The following ZFYVE9 variants were observed in gnomAD, a reference collection of about 807,000 sequenced individuals.
The protein encoded by ZFYVE9 is zinc finger FYVE-type containing 9.
A neutral mutation model predicts 126.7 loss-of-function variants in ZFYVE9; 43 were observed. That is an observed-to-expected ratio of 0.34 (90% CI 0.27 to 0.44). ZFYVE9 has a LOEUF of 0.44. ZFYVE9 is among the 20% of genes least tolerant of loss of function. The pLI, the probability that ZFYVE9 is intolerant of heterozygous loss-of-function variation, is 1.00. For missense variants in ZFYVE9, 1,476 were observed against 1,697.0 expected (o/e 0.87, Z 2.29); for synonymous variants, 521 against 597.4 (o/e 0.87, Z 1.87).
At chr1:52,218,037 G>A (rs990595692) in intron 2 of ZFYVE9, among the ~76,000 whole-genome samples, 1 of 152,190 alleles carries the variant, frequency 6.6e-6, no homozygotes, top group Non-Finnish European at 1.5e-5. Flanking sequence ...AGATAGACTC[G>A]AACCTGGCGG....
intron 17 of ZFYVE9, among the ~76,000 whole-genome samples, chr1:52,341,823 T>TA (rs1474011207): frequency 6.6e-6 from 1 of 152,248 alleles, no homozygotes; most frequent in Non-Finnish European, 1.5e-5. Context: ...CATGATTTCA[T>TA]ATGCAGCCAA....
At chr1:52,251,228 T>A (rs1645443317) in intron 4 of ZFYVE9, among the ~76,000 whole-genome samples, 1 of 152,022 alleles carries the variant, frequency 6.6e-6, no homozygotes, top group African/African-American at 2.4e-5. Context: ...CATGCCACCA[T>A]GCCTGGCTAA....
Position 52,274,571 on chromosome 1 carries a change from T to G in ZFYVE9, c.2733T>G (p.Thr911=), listed in dbSNP as rs142152800. ...EDGLPPILIS[T]GVKGDYAVEE... ...GCCTTCCTCCCATTCTCATCTCCAC[T>G]GGTGTAAAAGGAGGTAAGTGGACTA... Residue 911 remains threonine (T), a synonymous_variant, in exon 8 of 19, where the codon ACT becomes ACG. Coordinates refer to ENST00000287727, the MANE Select transcript of ZFYVE9 (RefSeq NM_004799.4). 6 of 1,610,552 alleles carry G rather than the reference T, an allele frequency of 3.7e-6. No homozygotes were observed. In the African/African-American group the frequency reaches 6.7e-5, roughly 18 times the overall value.
chr1:52,245,163 C>CAA (rs879854058), intron 4 of ZFYVE9, among the ~76,000 whole-genome samples: 5 of 114,900 alleles, frequency 4.4e-5, no homozygotes, highest in African/African-American at 9.5e-5. Flanking sequence ...GACTCTGTCT[C>CAA]AAAAAAAAAA....
Position 52,268,535 on chromosome 1 carries a change from C to T in ZFYVE9, c.2528C>T (p.Ala843Val). 6.2e-7 allele frequency: 1 copy of T among 1,614,184 alleles called. No individual in the cohort carries two copies. Among genetic ancestry groups the T allele is most frequent in the Non-Finnish European group, 8.5e-7 (1 of 1,180,034 alleles). ...TTGCCCAATGGAGAAGTTGCTGATG[C>T]AGCCAAATTAACAATGAATGGAACT... ...GILPNGEVAD[A>V]AKLTMNGTSS... The change falls in exon 7 of 19, where the codon GCA becomes GTA. Residue 843 changes from alanine to valine, a missense_variant. Transcript: ENST00000287727.
In ZFYVE9 at chr1:52,195,249, A is replaced by G. The variant is rs1017523616; in HGVS notation, c.-142-21120A>G. Among the ~76,000 whole-genome samples, 20 of 152,184 alleles carry G rather than the reference A, an allele frequency of 1.3e-4. 2 individuals are homozygous for G. The highest frequency in any genetic ancestry group is 1.3e-3 in the Admixed American group (20 of 15,270). ...CATTTTTTACACTGAAAATATTTCTAAAGGGTGAAAAGAGGTAAAGGAGGA... is the reference window on the plus strand; with the variant it reads ...CATTTTTTACACTGAAAATATTTCTGAAGGGTGAAAAGAGGTAAAGGAGGA... On this transcript the variant is annotated intron_variant, in intron 1 of 18. Coordinates refer to ENST00000287727, the MANE Select transcript of ZFYVE9 (RefSeq NM_004799.4).
At position 52,190,148 on chromosome 1, in the gene ZFYVE9, A is replaced by ACCTTT. The variant is rs1644803925; in HGVS notation, c.-142-26221_-142-26220insCCTTT. The ACCTTT allele has an allele frequency of 4.9e-5, 8 of 162,682 alleles. No homozygotes were observed. The South Asian group carries it at 1.4e-3, about 29-fold the overall frequency. The allele number at this position is 162,682 out of a possible 1,614,324, so 10.1% of individuals were successfully genotyped here. On this transcript the variant is annotated intron_variant, in intron 1 of 18. Coordinates refer to ENST00000287727, the MANE Select transcript of ZFYVE9 (RefSeq NM_004799.4). Reference sequence around the variant, plus strand: ...AGTTCCCATTTTTCTACCACTTATCAACTTGGAGCTGCTACTTTTTGTTTC... The same window carrying ACCTTT: ...AGTTCCCATTTTTCTACCACTTATCACCTTTACTTGGAGCTGCTACTTTTTGTTTC...
rs150483365 is a variant in ZFYVE9 at position 52,178,424 on chromosome 1, T to C, written c.-143+36021T>C. On this transcript the variant is annotated intron_variant, in intron 1 of 18. Coordinates refer to ENST00000287727, the MANE Select transcript of ZFYVE9 (RefSeq NM_004799.4). Reference sequence around the variant, plus strand: ...TTGGCTCACTGTAACCTCCACCTCCTGGATTCAAGTGATTCTCTTGCCTCG... The same window carrying C: ...TTGGCTCACTGTAACCTCCACCTCCCGGATTCAAGTGATTCTCTTGCCTCG... 7.6e-3 allele frequency among the ~76,000 whole-genome samples: 1,148 copies of C among 150,212 alleles called. 16 individuals carry two copies. The highest frequency in any genetic ancestry group is 0.027 in the African/African-American group (1,084 of 40,668).
At chr1:52,206,736 G>A (rs781305670) in intron 1 of ZFYVE9, among the ~76,000 whole-genome samples, 5 of 152,150 alleles carry the variant, frequency 3.3e-5, no homozygotes, top group Non-Finnish European at 5.9e-5. Context: ...TTTTAGCAGA[G>A]ACGGGGTTTC....
intron 1 of ZFYVE9, among the ~76,000 whole-genome samples, chr1:52,186,892 G>C (rs997547156): frequency 6.6e-6 from 1 of 152,068 alleles, no homozygotes; most frequent in Non-Finnish European, 1.5e-5. Flanking sequence ...TGGCCATACT[G>C]TCCAAAGCAA....
At chr1:52,345,083 C>CT in intron 18 of ZFYVE9, 139 bp downstream of exon 18, 1 of 875,018 alleles carries the variant, frequency 1.1e-6, no homozygotes, top group Non-Finnish European at 1.8e-6. Context: ...TTGGCCCTCT[C>CT]TTTAATAGTA....
Position 52,238,680 on chromosome 1 carries a change from G to C in ZFYVE9, c.1263G>C (p.Lys421Asn). The change falls in exon 4 of 19, where the codon AAG (lysine) becomes AAC (asparagine). Residue 421 changes from lysine to asparagine, a missense_variant. This residue lies in a region of ZFYVE9 where 807 missense variants were observed against 794.6 expected (regional missense o/e 1.02). Transcript: ENST00000287727. The part of the protein sequence containing the change: ...NDSQVNEEKE[K>N]FLQISQPEDT... The stretch of plus-strand genomic sequence containing the variant: ...GCCAAGTAAACGAAGAAAAGGAAAA[G>C]TTTCTACAGATTAGTCAGCCTGAGG... The C allele has an allele frequency of 6.2e-7, 1 of 1,614,086 alleles. No homozygotes were observed. Among genetic ancestry groups the C allele is most frequent in the East Asian group, 2.2e-5 (1 of 44,878 alleles).
chr1:52,176,773 C>T (rs1040605665), intron 1 of ZFYVE9, among the ~76,000 whole-genome samples: 13 of 152,296 alleles, frequency 8.5e-5, no homozygotes, highest in Middle Eastern at 3.4e-3. Flanking sequence ...AGCGAGACTC[C>T]GTGGGCATAG....
chr1:52,237,936 T>C lies in ZFYVE9; in HGVS notation c.519T>C (p.Asn173=), dbSNP rs144874848. Residue 173 remains asparagine, a synonymous_variant, in exon 4 of 19, where the codon AAT becomes AAC. Transcript: ENST00000287727. ...ATTTACAGGATTGTAATAATTATAA[T>C]AGTCAATCCCTTATGGATGCTTTTA... The part of the protein sequence containing the change: ...QNDLQDCNNY[N]SQSLMDAFSC... 438 of 1,613,888 alleles carry C rather than the reference T, an allele frequency of 2.7e-4. No homozygotes were observed. The highest frequency in any genetic ancestry group is 3.5e-4 in the Non-Finnish European group (410 of 1,179,930).
chr1:52,179,297 G>A (rs531765216), intron 1 of ZFYVE9, among the ~76,000 whole-genome samples: 1 of 152,328 alleles, frequency 6.6e-6, no homozygotes, highest in South Asian at 2.1e-4. Context: ...CATGTAGAGT[G>A]AAGAGACAAG....
chr1:52,280,619 A>G (rs1483335110), intron 9 of ZFYVE9, among the ~76,000 whole-genome samples: 1 of 152,148 alleles, frequency 6.6e-6, no homozygotes, highest in East Asian at 1.9e-4. Context: ...AGGATTAAAC[A>G]TTGTTTTTGA....
Position 52,216,456 on chromosome 1 carries a change from C to T in ZFYVE9, c.-55C>T, listed in dbSNP as rs964323271. On this transcript the variant is annotated 5_prime_UTR_variant, in exon 2 of 19. The change creates a new upstream start codon in the 5' untranslated region. Transcript: ENST00000287727. ...GCACCGAGAAGTCTGTTCCTTATCA[C>T]GTGTGTAAGGGGAAAAAGGTAAGAA... The T allele has an allele frequency of 2.8e-5, 11 of 398,164 alleles. No homozygotes were observed. Among genetic ancestry groups the T allele is most frequent in the South Asian group, 1.3e-4 (1 of 7,830 alleles). 24.7% of individuals were successfully genotyped at this position (398,164 alleles called of 1,614,324 possible). A position where few individuals can be genotyped will look rare whatever the true frequency, so the allele number is the denominator to read the frequency against.
At chr1:52,249,162 TG>T (rs147913696) in intron 4 of ZFYVE9, among the ~76,000 whole-genome samples, 1,870 of 152,322 alleles carry the variant, frequency 0.012, 34 homozygotes, top group African/African-American at 0.043. Context: ...TTGTCATGAT[TG>T]TAAGTTTCCT....
At chr1:52,252,201 C>G (rs1645454690) in intron 4 of ZFYVE9, 1 of 155,170 alleles carries the variant, frequency 6.4e-6, no homozygotes. Context: ...GTAGTGCTTA[C>G]AGCTACTATT....
Sources: gnomAD v4.1 joint callset for allele counts (sites outside exome capture counted in the v4.1 genomes callset) on GRCh38, gnomAD v4.1.1 for gene constraint, gnomAD v4.1.1 regional missense constraint, MANE v1.5 for transcripts, NCBI Gene and HGNC (gene_info 2026-07-23, HGNC 2026-07-21) for gene names.